The following POLE2 variants were observed in gnomAD, a reference collection of about 807,000 sequenced individuals.
POLE2 encodes the protein DNA polymerase epsilon 2, accessory subunit.
A neutral mutation model predicts 79.4 loss-of-function variants in POLE2; 56 were observed. That is an observed-to-expected ratio of 0.71 (90% confidence interval 0.57 to 0.88). The LOEUF (loss-of-function observed/expected upper bound fraction) is 0.88, where lower values mean the gene tolerates loss of function less well. POLE2 is among the 40% of genes least tolerant of loss of function. The pLI, the probability that POLE2 is intolerant of heterozygous loss-of-function variation, is 0.00. For missense variants in POLE2, 598 were observed against 638.9 expected (o/e 0.94, Z 0.69); for synonymous variants, 212 against 214.0 (o/e 0.99, Z 0.08).
intron 6 of POLE2, among the ~76,000 whole-genome samples, chr14:49,667,142 C>T (rs116340502): frequency 0.019 from 2,837 of 151,744 alleles, 76 homozygotes; most frequent in African/African-American, 0.06. Context: ...AAGCCGAGAT[C>T]GCCTTGCATT....
intron 10 of POLE2, among the ~76,000 whole-genome samples, chr14:49,660,161 T>C (rs1884997669): frequency 6.6e-6 from 1 of 152,234 alleles, no homozygotes; most frequent in Admixed American, 6.5e-5. Flanking sequence ...TATCATTGTG[T>C]TACAGTTGCC....
chr14:49,685,222 T>C (rs560673902), intron 1 of POLE2, among the ~76,000 whole-genome samples: 1 of 152,328 alleles, frequency 6.6e-6, no homozygotes, highest in East Asian at 1.9e-4. Context: ...TAACACTAAT[T>C]GTTCTATATA....
intron 3 of POLE2, among the ~76,000 whole-genome samples, chr14:49,675,574 T>C (rs1886215563): frequency 6.6e-6 from 1 of 151,328 alleles, no homozygotes. Context: ...TACAGGCATG[T>C]GCCACCACAC....
chr14:49,654,515 A>G (rs1049811655), intron 13 of POLE2: 3 of 453,248 alleles, frequency 6.6e-6, no homozygotes, highest in Non-Finnish European at 7.7e-6. Flanking sequence ...GCCAGTGACT[A>G]TCATATCGGA....
chr14:49,685,001 T>C (rs1273545526), intron 1 of POLE2, among the ~76,000 whole-genome samples: 2 of 151,848 alleles, frequency 1.3e-5, no homozygotes, highest in Admixed American at 1.3e-4. Context: ...TAAAATAAAA[T>C]CACATTAATT....
intron 2 of POLE2, among the ~76,000 whole-genome samples, chr14:49,681,031 G>A (rs1474511389): frequency 6.6e-6 from 1 of 152,126 alleles, no homozygotes; most frequent in African/African-American, 2.4e-5. Context: ...CCTGTATCAC[G>A]GAGTATGTTT....
chr14:49,657,429 CT>C (rs918363691), intron 10 of POLE2, among the ~76,000 whole-genome samples: 2,528 of 143,074 alleles, frequency 0.018, 58 homozygotes, highest in African/African-American at 0.053. Flanking sequence ...TAGTTGATTC[CT>C]TTTTTTTTTT....
At chr14:49,684,291 C>G (rs983303497) in intron 1 of POLE2, among the ~76,000 whole-genome samples, 3 of 151,692 alleles carry the variant, frequency 2.0e-5, no homozygotes, top group African/African-American at 7.3e-5. Flanking sequence ...GATGAAACCC[C>G]GTCTCTACTA....
chr14:49,647,238 A>G, intron 18 of POLE2, 55 bp downstream of exon 18: 1 of 911,160 alleles, frequency 1.1e-6, no homozygotes, highest in East Asian at 2.7e-5. Flanking sequence ...TCTCATTTTC[A>G]GTAATTTAAC....
intron 15 of POLE2, among the ~76,000 whole-genome samples, chr14:49,652,074 A>G (rs1021922113): frequency 5.3e-5 from 8 of 151,976 alleles, no homozygotes; most frequent in Non-Finnish European, 1.2e-4. Context: ...CCTTTTTCCA[A>G]TGAGGGTCCC....
chr14:49,659,359 A>C (rs1040911403), intron 10 of POLE2, among the ~76,000 whole-genome samples: 2 of 152,086 alleles, frequency 1.3e-5, no homozygotes, highest in East Asian at 1.9e-4. Flanking sequence ...AGCTATAATC[A>C]TATCACTGCA....
At chr14:49,654,397 G>A (rs1884495410) in intron 13 of POLE2, 183 bp from the exon 14 acceptor site, 2 of 571,176 alleles carry the variant, frequency 3.5e-6, no homozygotes, top group East Asian at 3.0e-5. Flanking sequence ...TGATAGAAAA[G>A]TTCTATATCT....
chr14:49,643,959 A>G (rs942139517), intron 18 of POLE2, among the ~76,000 whole-genome samples: 22 of 146,654 alleles, frequency 1.5e-4, no homozygotes, highest in African/African-American at 4.8e-4. Context: ...GGTTCACCGC[A>G]ACCTCTGCCT....
intron 2 of POLE2, among the ~76,000 whole-genome samples, chr14:49,682,595 C>T (rs1886797456): frequency 1.4e-5 from 2 of 142,364 alleles, no homozygotes; most frequent in South Asian, 4.4e-4. Flanking sequence ...CGAAATAGCA[C>T]CACTGCATTC....
intron 8 of POLE2, 56 bp downstream of exon 8, chr14:49,665,051 A>G: frequency 1.2e-6 from 1 of 808,788 alleles, no homozygotes; most frequent in Non-Finnish European, 2.1e-6. Flanking sequence ...ATATATAATC[A>G]ATTTCCCCAA....
In POLE2 at chr14:49,657,931, T is replaced by C. The variant is rs552968304; in HGVS notation, c.756-2088A>G. On this transcript the variant is annotated intron_variant, in intron 10 of 18. Transcript: ENST00000216367. ...CAAATGAGAAAAGTTGGTTCAGAAATGTTAAGTGACTTATCTGAGGTTGCT... is the reference window on the plus strand; with the variant it reads ...CAAATGAGAAAAGTTGGTTCAGAAACGTTAAGTGACTTATCTGAGGTTGCT... Among the ~76,000 whole-genome samples, 3 of 152,282 alleles carry C rather than the reference T, an allele frequency of 2.0e-5. No individual in the cohort carries two copies. In the South Asian group the frequency reaches 6.2e-4, roughly 32 times the overall value.
At chr14:49,687,108 A>G (rs1454366273) in intron 1 of POLE2, among the ~76,000 whole-genome samples, 1 of 151,398 alleles carries the variant, frequency 6.6e-6, no homozygotes, top group East Asian at 1.9e-4. Context: ...ACATAGCCAG[A>G]CCCCGTCTCT....
chr14:49,658,833 CTA>C lies in POLE2; in HGVS notation c.756-2992_756-2991del, dbSNP rs1021800298. ...AACACTTGATAACAATAATAAATGA[CTA>C]TGTTACTAGTTTATGTATTTACTGT... On this transcript the variant is annotated intron_variant, in intron 10 of 18. Coordinates refer to ENST00000216367, the MANE Select transcript of POLE2 (RefSeq NM_002692.4). Among the ~76,000 whole-genome samples the C allele has an allele frequency of 5.9e-5, 9 of 152,064 alleles. 1 individual carries two copies. In the South Asian group the frequency reaches 6.2e-4, roughly 11 times the overall value.
chr14:49,661,119 C>T (rs1179308632), intron 10 of POLE2, among the ~76,000 whole-genome samples: 2 of 152,086 alleles, frequency 1.3e-5, no homozygotes, highest in African/African-American at 2.4e-5. Context: ...CAGGGTTTCA[C>T]CATGTTGCCC....
Sources: allele counts gnomAD v4.1 joint callset (sites outside exome capture counted in the v4.1 genomes callset), GRCh38; gene constraint gnomAD v4.1.1; transcripts MANE v1.5; gene names NCBI Gene and HGNC (gene_info 2026-07-23, HGNC 2026-07-21).